CD1B: variants seen among roughly 807,000 people sequenced by gnomAD.
CD1B encodes T-cell surface glycoprotein CD1b.
Under a neutral mutation model 39.8 loss-of-function variants are expected in CD1B, and 43 were observed. The ratio of observed to expected loss-of-function variants is 1.08; its 90% CI spans 0.85 to 1.39. The LOEUF (loss-of-function observed/expected upper bound fraction) is 1.39, where lower values mean the gene tolerates loss of function less well. CD1B is among the 40% of genes most tolerant of loss of function. CD1B has a pLI of 0.00. For synonymous variants in CD1B, 192 were observed against 152.5 expected (o/e 1.26, Z -1.91); for missense variants, 495 against 403.8 (o/e 1.23, Z -1.94).
the CD1B span, among the ~76,000 whole-genome samples, chr1:158,320,635 G>T: frequency 7.2e-5 from 11 of 152,112 alleles, no homozygotes; most frequent in Admixed American, 5.9e-4. Context: ...CACTCAGGCT[G>T]GGAGCTGTAG....
At chr1:158,285,827 G>A in the CD1B span, among the ~76,000 whole-genome samples, 15 of 152,228 alleles carry the variant, frequency 9.9e-5, no homozygotes, top group East Asian at 2.3e-3. Flanking sequence ...ATGCTTGGAG[G>A]CCAGAAAGAA....
the CD1B span, among the ~76,000 whole-genome samples, chr1:158,297,996 A>G: frequency 6.6e-6 from 1 of 151,998 alleles, no homozygotes. Flanking sequence ...TATCTTCAAG[A>G]GACCCATCTC....
chr1:158,292,195 C>T, the CD1B span: 2 of 1,614,160 alleles, frequency 1.2e-6, no homozygotes, highest in Non-Finnish European at 1.7e-6. Context: ...TTCCAGAATA[C>T]AACATGGGTG....
chr1:158,312,979 T>C, the CD1B span, among the ~76,000 whole-genome samples: 1 of 152,190 alleles, frequency 6.6e-6, no homozygotes, highest in Non-Finnish European at 1.5e-5. Flanking sequence ...ATATTAGCTG[T>C]GGGTTTCTCA....
chr1:158,303,174 A>G, the CD1B span, among the ~76,000 whole-genome samples: 1 of 152,222 alleles, frequency 6.6e-6, no homozygotes, highest in Non-Finnish European at 1.5e-5. Context: ...AACTAAAAAC[A>G]AAAAACACAT....
chr1:158,328,362 G>A, intron 5 of CD1B, 105 bp from the exon 6 acceptor site: 1 of 833,380 alleles, frequency 1.2e-6, no homozygotes, highest in East Asian at 2.6e-5. Flanking sequence ...CAACCCAAGT[G>A]TCCATAGATA....
chr1:158,330,156 T>C, intron 2 of CD1B, 26 bp from the exon 3 acceptor site: 1 of 1,560,604 alleles, frequency 6.4e-7, no homozygotes, highest in South Asian at 1.2e-5. Flanking sequence ...AGAGAGCAAG[T>C]TATTAAACAC....
At chr1:158,330,627 T>G (rs779529039) in intron 2 of CD1B, 169 bp downstream of exon 2, 6 of 762,742 alleles carry the variant, frequency 7.9e-6, no homozygotes, top group Non-Finnish European at 1.4e-5. Context: ...ATCTGAAATA[T>G]GAGGTGTGAT....
chr1:158,325,205 G>T (rs1652309734), downstream of CD1B, among the ~76,000 whole-genome samples: 1 of 152,086 alleles, frequency 6.6e-6, no homozygotes, highest in African/African-American at 2.4e-5. Flanking sequence ...TCATTCATAA[G>T]ATATGACCCA....
chr1:158,289,796 G>C, the CD1B span: 1 of 378,592 alleles, frequency 2.6e-6, no homozygotes, highest in Non-Finnish European at 4.8e-6. Context: ...AGGCAGTTGA[G>C]GAAGGGAAGT....
chr1:158,288,271 T>C, the CD1B span, among the ~76,000 whole-genome samples: 1 of 152,228 alleles, frequency 6.6e-6, no homozygotes, highest in African/African-American at 2.4e-5. Context: ...TCATTGAGAA[T>C]GACTTCTGGC....
chr1:158,304,538 C>T, the CD1B span, among the ~76,000 whole-genome samples: 3 of 152,178 alleles, frequency 2.0e-5, no homozygotes, highest in Non-Finnish European at 4.4e-5. Context: ...CCAAAGGCAG[C>T]AGAATCCTCT....
At chr1:158,308,454 C>T in the CD1B span, among the ~76,000 whole-genome samples, 4 of 152,214 alleles carry the variant, frequency 2.6e-5, no homozygotes, top group Admixed American at 2.0e-4. Flanking sequence ...TTACCAATGA[C>T]TTTCTTCACA....
At chr1:158,320,566 C>A in the CD1B span, among the ~76,000 whole-genome samples, 1 of 152,074 alleles carries the variant, frequency 6.6e-6, no homozygotes, top group South Asian at 2.1e-4. Context: ...TCTGGCACTC[C>A]CTAGTGAGAC....
chr1:158,315,419 AT>A, the CD1B span, among the ~76,000 whole-genome samples: 1 of 151,604 alleles, frequency 6.6e-6, no homozygotes, highest in African/African-American at 2.4e-5. Context: ...GATGATGAGC[AT>A]TTTTTAATGT....
At chr1:158,308,243 A>C in the CD1B span, among the ~76,000 whole-genome samples, 1 of 152,224 alleles carries the variant, frequency 6.6e-6, no homozygotes, top group African/African-American at 2.4e-5. Flanking sequence ...TGCTTCAAAA[A>C]GAATAAAATA....
the CD1B span, among the ~76,000 whole-genome samples, chr1:158,309,823 G>A: frequency 7.1e-6 from 1 of 141,056 alleles, no homozygotes; most frequent in East Asian, 2.1e-4. Flanking sequence ...ACATACCGGG[G>A]CCTGTTGTGG....
chr1:158,309,764 C>T, the CD1B span, among the ~76,000 whole-genome samples: 104 of 135,528 alleles, frequency 7.7e-4, no homozygotes, highest in African/African-American at 2.2e-3. Context: ...TCTCACTCAC[C>T]GGTGGGAATT....
chr1:158,298,153 C>A, the CD1B span, among the ~76,000 whole-genome samples: 3 of 152,070 alleles, frequency 2.0e-5, no homozygotes, highest in African/African-American at 7.2e-5. Context: ...CATAGAAAAA[C>A]ATTATTTAAT....
Sources: gnomAD v4.1 joint callset for allele counts (sites outside exome capture counted in the v4.1 genomes callset) on GRCh38, gnomAD v4.1.1 for gene constraint, MANE v1.5 for transcripts, NCBI Gene and HGNC (gene_info 2026-07-23, HGNC 2026-07-21) for gene names.